Variants in STXBP6 observed in about 807,000 individuals in gnomAD.
STXBP6 encodes syntaxin binding protein 6.
A neutral mutation model predicts 26.9 loss-of-function variants in STXBP6; 21 were observed. The observed-to-expected ratio is 0.78, with a 90% CI of 0.55 to 1.12. The LOEUF is 1.12. Ranked by LOEUF, STXBP6 falls within the 50% of genes most tolerant of loss-of-function variation. The probability of loss-of-function intolerance (pLI) is 0.00; values close to 1 mark genes in which losing one functional copy is unlikely to be tolerated. For missense variants in STXBP6, 232 were observed against 257.9 expected, an observed-to-expected ratio of 0.90 and a Z score of 0.69; for synonymous variants, 97 against 92.6, an observed-to-expected ratio of 1.05 and a Z score of -0.27.
chr14:24,976,849 G>A (rs1025808396), intron 1 of STXBP6, among the ~76,000 whole-genome samples: 7 of 83,110 alleles, frequency 8.4e-5, no homozygotes, highest in South Asian at 4.1e-4. Context: ...CTGACTGGGC[G>A]CTCTTTTTTT....
At chr14:24,957,238 C>A (rs1309179449) in intron 2 of STXBP6, among the ~76,000 whole-genome samples, 1 of 152,346 alleles carries the variant, frequency 6.6e-6, no homozygotes, top group East Asian at 1.9e-4. Flanking sequence ...TAGTCATGCT[C>A]TTACACCACT....
intron 2 of STXBP6, among the ~76,000 whole-genome samples, chr14:24,967,465 C>G (rs2073770788): frequency 6.6e-6 from 1 of 152,158 alleles, no homozygotes; most frequent in South Asian, 2.1e-4. Flanking sequence ...CTTCATGTAA[C>G]CAATGGCTAT....
chr14:24,971,155 T>C (rs1458381151), intron 2 of STXBP6, among the ~76,000 whole-genome samples: 1 of 152,196 alleles, frequency 6.6e-6, no homozygotes, highest in African/African-American at 2.4e-5. Flanking sequence ...AGAGGATATT[T>C]AAACCGCTCT....
intron 2 of STXBP6, among the ~76,000 whole-genome samples, chr14:24,875,470 G>T (rs892817324): frequency 6.6e-6 from 1 of 152,172 alleles, no homozygotes; most frequent in Non-Finnish European, 1.5e-5. Flanking sequence ...CATTGTTTTA[G>T]GACTCATTTG....
intron 2 of STXBP6, among the ~76,000 whole-genome samples, chr14:24,946,204 T>C (rs185832785): frequency 2.0e-5 from 3 of 152,348 alleles, no homozygotes; most frequent in South Asian, 2.1e-4. Context: ...GGATATTTTC[T>C]ATATTCTGGG....
chr14:25,016,706 C>T (rs1212720750), intron 1 of STXBP6, among the ~76,000 whole-genome samples: 1 of 152,002 alleles, frequency 6.6e-6, no homozygotes, highest in African/African-American at 2.4e-5. Flanking sequence ...TGTGAACTTA[C>T]TAAATAGGAT....
intron 1 of STXBP6, among the ~76,000 whole-genome samples, chr14:25,043,669 C>T (rs902379376): frequency 2.0e-5 from 3 of 152,138 alleles, no homozygotes; most frequent in Admixed American, 1.3e-4. Context: ...TTTCCTATTG[C>T]GTACACTTCA....
chr14:24,904,062 AGG>A (rs2071302598), intron 2 of STXBP6, among the ~76,000 whole-genome samples: 1 of 152,130 alleles, frequency 6.6e-6, no homozygotes, highest in Non-Finnish European at 1.5e-5. Context: ...ACACAACTCA[AGG>A]GCTGGCTTCA....
At chr14:24,946,759 A>AT (rs937067965) in intron 2 of STXBP6, among the ~76,000 whole-genome samples, 5 of 152,212 alleles carry the variant, frequency 3.3e-5, no homozygotes, top group Non-Finnish European at 5.9e-5. Flanking sequence ...TTATTTTTTA[A>AT]TGGGCGACAC....
chr14:24,924,232 A>G (rs2072083214), intron 2 of STXBP6, among the ~76,000 whole-genome samples: 1 of 152,128 alleles, frequency 6.6e-6, no homozygotes, highest in Non-Finnish European at 1.5e-5. Context: ...CAAATATTAC[A>G]TTTCCATATA....
intron 1 of STXBP6, among the ~76,000 whole-genome samples, chr14:25,044,243 T>G (rs375643714): frequency 6.6e-6 from 1 of 151,522 alleles, no homozygotes; most frequent in East Asian, 1.9e-4. Flanking sequence ...ATGTTTTCAG[T>G]TCTCTTGTGT....
chr14:24,964,587 C>T (rs189152072), intron 2 of STXBP6, among the ~76,000 whole-genome samples: 1 of 151,522 alleles, frequency 6.6e-6, no homozygotes, highest in African/African-American at 2.4e-5. Flanking sequence ...GAGTTATTGC[C>T]ATTTTATAGA....
chr14:24,991,864 C>A (rs779281043), intron 1 of STXBP6, among the ~76,000 whole-genome samples: 2 of 152,306 alleles, frequency 1.3e-5, no homozygotes, highest in Admixed American at 6.5e-5. Context: ...GACGGCCCAC[C>A]AAGCCTCACA....
chr14:24,967,715 T>C (rs1021511366), intron 2 of STXBP6, among the ~76,000 whole-genome samples: 1 of 152,222 alleles, frequency 6.6e-6, no homozygotes, highest in South Asian at 2.1e-4. Flanking sequence ...AGGCTTACCC[T>C]GATATATATT....
chr14:24,984,790 G>A (rs568286797), intron 1 of STXBP6, among the ~76,000 whole-genome samples: 7 of 152,344 alleles, frequency 4.6e-5, no homozygotes, highest in Admixed American at 3.3e-4. Flanking sequence ...TCCGGGTGCA[G>A]AGACTTTTAC....
intron 5 of STXBP6, among the ~76,000 whole-genome samples, chr14:24,814,235 T>A (rs2067905005): frequency 6.6e-6 from 1 of 152,318 alleles, no homozygotes; most frequent in East Asian, 1.9e-4. Context: ...TAGTCCAGGT[T>A]GGTGCAAATG....
At chr14:24,827,877 C>T (rs1295672660) in intron 4 of STXBP6, among the ~76,000 whole-genome samples, 1 of 152,040 alleles carries the variant, frequency 6.6e-6, no homozygotes, top group Non-Finnish European at 1.5e-5. Flanking sequence ...TGTTTCTTGA[C>T]AGATTATAGA....
intron 1 of STXBP6, among the ~76,000 whole-genome samples, chr14:25,034,743 C>A (rs980070403): frequency 3.4e-4 from 52 of 152,308 alleles, no homozygotes; most frequent in African/African-American, 1.2e-3. Context: ...GTGTCCAGCA[C>A]ACTACATATG....
chr14:24,890,204 T>C (rs187934357), intron 2 of STXBP6, among the ~76,000 whole-genome samples: 8 of 152,358 alleles, frequency 5.3e-5, no homozygotes, highest in South Asian at 2.1e-4. Context: ...AAAGCTTCCA[T>C]GGCCATACCT....
Sources: gnomAD v4.1 joint callset for allele counts (sites outside exome capture counted in the v4.1 genomes callset) on GRCh38, gnomAD v4.1.1 for gene constraint, MANE v1.5 for transcripts, NCBI Gene and HGNC (gene_info 2026-07-23, HGNC 2026-07-21) for gene names.